SPEF2: variants seen among roughly 807,000 people sequenced by gnomAD.
SPEF2 encodes the protein sperm flagellar and cilia associated 2, also known as sperm flagella and cilia-associated protein 2.
A neutral mutation model predicts 224.6 loss-of-function variants in SPEF2; 187 were observed. The observed-to-expected ratio is 0.83, with a 90% CI of 0.74 to 0.94. The LOEUF (loss-of-function observed/expected upper bound fraction) is 0.94, where lower values mean the gene tolerates loss of function less well. SPEF2 is among the 40% of genes least tolerant of loss of function. The pLI is 0.00. For synonymous variants in SPEF2, 715 were observed against 707.3 expected (o/e 1.01, Z -0.17); for missense variants, 2,170 against 2,135.6 (o/e 1.02, Z -0.32).
Position 35,654,545 on chromosome 5 carries a change from C to T in SPEF2, c.797C>T (p.Ser266Phe). 1 of 1,574,888 alleles carries T rather than the reference C, an allele frequency of 6.3e-7. No homozygotes were observed. The highest frequency in any genetic ancestry group is 8.6e-7 in the Non-Finnish European group (1 of 1,167,442). Residue 266 changes from serine (S) to phenylalanine (F), a missense_variant, in exon 7 of 37, where the codon TCC (serine) becomes TTC (phenylalanine). Physicochemically the swap from Ser to Phe is radical, Grantham distance 155. Coordinates refer to ENST00000356031, the MANE Select transcript of SPEF2 (RefSeq NM_024867.4). Reference protein sequence around the residue: ...KKDLQAKESASKTSLDTAGQT... With the variant: ...KKDLQAKESAFKTSLDTAGQT... Reference sequence around the variant, plus strand: ...ATAAAAACTATTATTCTTAGTGCATCCAAGACTTCTTTAGATACAGCAGGC... The same window carrying T: ...ATAAAAACTATTATTCTTAGTGCATTCAAGACTTCTTTAGATACAGCAGGC...
chr5:35,735,453 G>T (rs953377232), intron 21 of SPEF2, among the ~76,000 whole-genome samples: 1 of 152,090 alleles, frequency 6.6e-6, no homozygotes, highest in Non-Finnish European at 1.5e-5. Flanking sequence ...ACAAATTTCT[G>T]CTCAACAGAA....
intron 23 of SPEF2, 141 bp from the exon 24 acceptor site, chr5:35,753,483 A>G: frequency 2.8e-6 from 3 of 1,054,184 alleles, no homozygotes; most frequent in Non-Finnish European, 4.2e-6. Context: ...TTGAATGAGC[A>G]CATACAATAC....
intron 36 of SPEF2, among the ~76,000 whole-genome samples, chr5:35,811,767 C>CTTTTTTTTTTTT (rs1203514196): frequency 8.7e-6 from 1 of 115,436 alleles, no homozygotes; most frequent in African/African-American, 3.6e-5. Flanking sequence ...TTTGCCATTA[C>CTTTTTTTTTTTT]TTTTTTTTTT....
At chr5:35,674,340 T>C (rs865990167) in intron 10 of SPEF2, among the ~76,000 whole-genome samples, 13 of 146,772 alleles carry the variant, frequency 8.9e-5, no homozygotes, top group African/African-American at 3.0e-4. Flanking sequence ...TCGTCTTCTT[T>C]TTTTTTTTTT....
intron 10 of SPEF2, chr5:35,675,529 CTTTTT>C (rs10709245): frequency 4.4e-5 from 6 of 135,230 alleles, no homozygotes; most frequent in South Asian, 2.3e-4. Context: ...GTTAGGATTC[CTTTTT>C]TTTTTTTTTT....
chr5:35,687,261 G>A (rs1034013874), intron 10 of SPEF2, among the ~76,000 whole-genome samples: 7 of 151,918 alleles, frequency 4.6e-5, no homozygotes, highest in African/African-American at 1.2e-4. Context: ...TATTACATAC[G>A]AAACTTTTAC....
Position 35,667,266 on chromosome 5 carries a change from AT to A in SPEF2, c.1355+15del, listed in dbSNP as rs566674548. 2.2e-4 allele frequency: 346 copies of A among 1,582,140 alleles called. No individual in the cohort carries two copies. Among genetic ancestry groups the A allele is most frequent in the South Asian group, 9.4e-4 (81 of 86,592 alleles). On this transcript the variant is annotated splice_region_variant and intron_variant, in intron 9 of 36. Transcript: ENST00000356031. ...ATCGAATGTTGACAAATAAGTAAGT[AT>A]TTTTTTTGTAATAACAGTAGAGACA...
At chr5:35,697,072 G>T (rs190866966) in intron 14 of SPEF2, among the ~76,000 whole-genome samples, 1 of 152,238 alleles carries the variant, frequency 6.6e-6, no homozygotes. Flanking sequence ...TTTTAGCAGG[G>T]TTTGGAATAG....
intron 3 of SPEF2, chr5:35,643,714 G>A (rs982255261): frequency 3.0e-6 from 1 of 337,224 alleles, no homozygotes; most frequent in East Asian, 7.5e-5. Flanking sequence ...TATTAATAAT[G>A]GTTGAAATTT....
intron 16 of SPEF2, chr5:35,702,004 T>C (rs1738740975): frequency 2.7e-6 from 1 of 365,790 alleles, no homozygotes; most frequent in South Asian, 2.0e-5. Flanking sequence ...GCTCTGTAGA[T>C]AATAGCCAGA....
At chr5:35,633,249 T>C (rs1745374507) in intron 2 of SPEF2, among the ~76,000 whole-genome samples, 1 of 152,138 alleles carries the variant, frequency 6.6e-6, no homozygotes, top group African/African-American at 2.4e-5. Flanking sequence ...CTCAAATTAT[T>C]CTTGTTGAGT....
chr5:35,701,649 G>A lies in SPEF2; in HGVS notation c.2398+897G>A, dbSNP rs1313831831. Among the ~76,000 whole-genome samples the A allele has an allele frequency of 1.2e-4, 19 of 152,178 alleles. No individual in the cohort carries two copies. The South Asian group carries it at 3.9e-3, about 32-fold the overall frequency. On this transcript the variant is annotated intron_variant, in intron 16 of 36. Transcript: ENST00000356031. ...TTTGACTCAATTCTTCTATAACTCT[G>A]TAAATAGTAGGAAATTGATAGTAAT...
chr5:35,797,879 C>T (rs1756903700), intron 33 of SPEF2, among the ~76,000 whole-genome samples: 1 of 152,150 alleles, frequency 6.6e-6, no homozygotes, highest in African/African-American at 2.4e-5. Context: ...GAAACTTGCA[C>T]AGATCTGCAC....
At position 35,811,601 on chromosome 5, in the gene SPEF2, A is replaced by G. The variant is rs140462495; in HGVS notation, c.5380-2863A>G. 6.6e-5 allele frequency among the ~76,000 whole-genome samples: 10 copies of G among 150,840 alleles called. No individual in the cohort carries two copies. In the East Asian group the frequency reaches 2.0e-3, roughly 30 times the overall value. On this transcript the variant is annotated intron_variant, in intron 36 of 36. Transcript: ENST00000356031. The stretch of plus-strand genomic sequence containing the variant: ...CATCTGTAAAATAGGGCCAATGATC[A>G]TAGTCACCTCATGGTGGGGGGGGTG...
chr5:35,795,543 A>G (rs1466266084), intron 32 of SPEF2, among the ~76,000 whole-genome samples, 160 bp from the exon 33 acceptor site: 2 of 152,238 alleles, frequency 1.3e-5, no homozygotes, highest in Non-Finnish European at 2.9e-5. Context: ...AGAAATGTAA[A>G]TGGAAGTTCT....
intron 30 of SPEF2, chr5:35,788,162 G>T: frequency 1.4e-6 from 1 of 702,924 alleles, no homozygotes; most frequent in Non-Finnish European, 2.6e-6. Flanking sequence ...ATTAATGGAA[G>T]CAACAAGTAG....
At chr5:35,702,684 A>G (rs1314607658) in intron 16 of SPEF2, among the ~76,000 whole-genome samples, 3 of 152,208 alleles carry the variant, frequency 2.0e-5, no homozygotes, top group African/African-American at 7.2e-5. Context: ...AACAAAGACT[A>G]TAAAAATTAA....
Position 35,776,620 on chromosome 5 carries a change from A to G in SPEF2, c.4217+225A>G, listed in dbSNP as rs375674272. Among the ~76,000 whole-genome samples the G allele has an allele frequency of 8.5e-5, 13 of 152,282 alleles. No homozygotes were observed. In the South Asian group the frequency reaches 2.5e-3, roughly 29 times the overall value. On this transcript the variant is annotated intron_variant, in intron 29 of 36. Coordinates refer to ENST00000356031, the MANE Select transcript of SPEF2 (RefSeq NM_024867.4). ...TCAAAGGGTTCTATTGCTATATTAAACTTTGCACAATATTTATGAGTTTAG... is the reference window on the plus strand; with the variant it reads ...TCAAAGGGTTCTATTGCTATATTAAGCTTTGCACAATATTTATGAGTTTAG...
rs114140245 is a variant in SPEF2 at position 35,689,713 on chromosome 5, A to G, written c.1525-1324A>G. ...ATTTTTTATGGCTGTGCACTATTCC[A>G]TGGTATACATGTACCACATTTTCTT... On this transcript the variant is annotated intron_variant, in intron 10 of 36. Coordinates refer to ENST00000356031, the MANE Select transcript of SPEF2 (RefSeq NM_024867.4). Among the ~76,000 whole-genome samples the G allele has an allele frequency of 9.0e-3, 1,372 of 152,232 alleles. 17 individuals carry two copies. The highest frequency in any genetic ancestry group is 0.032 in the African/African-American group (1,332 of 41,544).
Sources: gnomAD v4.1 joint callset for allele counts (sites outside exome capture counted in the v4.1 genomes callset) on GRCh38, gnomAD v4.1.1 for gene constraint, MANE v1.5 for transcripts, NCBI Gene and HGNC (gene_info 2026-07-23, HGNC 2026-07-21) for gene names.